TRPC4: variants seen among roughly 807,000 people sequenced by gnomAD.
The protein encoded by TRPC4 is short transient receptor potential channel 4.
A neutral mutation model predicts 99.4 loss-of-function variants in TRPC4; 49 were observed. The ratio of observed to expected loss-of-function variants is 0.49; its 90% CI spans 0.39 to 0.63. The LOEUF (loss-of-function observed/expected upper bound fraction) is 0.63, where lower values mean the gene tolerates loss of function less well. Among genes scored for constraint, TRPC4 ranks in the 20% least tolerant of loss-of-function variants. The pLI is 0.00. For missense variants in TRPC4, 898 were observed against 1,152.9 expected, an observed-to-expected ratio of 0.78 and a Z score of 3.20; for synonymous variants, 454 against 425.9, an observed-to-expected ratio of 1.07 and a Z score of -0.81.
chr13:37,786,752 T>C (rs1047668884), intron 1 of TRPC4, among the ~76,000 whole-genome samples: 1 of 152,126 alleles, frequency 6.6e-6, no homozygotes, highest in Non-Finnish European at 1.5e-5. Context: ...AAGAATGCTT[T>C]CATTTCAATG....
intron 2 of TRPC4, among the ~76,000 whole-genome samples, chr13:37,751,274 G>A (rs953534753): frequency 6.6e-6 from 1 of 152,076 alleles, no homozygotes; most frequent in African/African-American, 2.4e-5. Flanking sequence ...CTGCATCAGG[G>A]TCTAACGGCT....
intron 3 of TRPC4, among the ~76,000 whole-genome samples, chr13:37,743,753 C>T (rs145592987): frequency 3.3e-5 from 5 of 152,240 alleles, no homozygotes; most frequent in Non-Finnish European, 7.4e-5. Context: ...ATTCAAATTA[C>T]AATTTCTATC....
rs144108201 is a variant in TRPC4 at position 37,741,862 on chromosome 13, G to T, written c.897+4075C>A. Among the ~76,000 whole-genome samples the T allele has an allele frequency of 5.2e-3, 785 of 151,232 alleles. 5 individuals carry two copies. Among genetic ancestry groups the T allele is most frequent in the African/African-American group, 0.019 (767 of 41,112 alleles). ...GTTTTTGTAGTTAAGATCTGGATTT[G>T]CAATCTGGCCCCAATATTTAACAGA... On this transcript the variant is annotated intron_variant, in intron 3 of 10. Transcript: ENST00000379705.
At chr13:37,686,721 C>T (rs1953494649) in intron 4 of TRPC4, among the ~76,000 whole-genome samples, 1 of 152,020 alleles carries the variant, frequency 6.6e-6, no homozygotes, top group Admixed American at 6.6e-5. Context: ...TTACTTTATG[C>T]CTAGGAATTC....
chr13:37,836,555 G>T (rs530072873), intron 1 of TRPC4, among the ~76,000 whole-genome samples: 1 of 152,122 alleles, frequency 6.6e-6, no homozygotes, highest in Non-Finnish European at 1.5e-5. Context: ...AGAGACTGGT[G>T]GCATTTAGCC....
chr13:37,864,226 G>A (rs1229658507), intron 1 of TRPC4, among the ~76,000 whole-genome samples: 1 of 151,598 alleles, frequency 6.6e-6, no homozygotes, highest in Admixed American at 6.6e-5. Flanking sequence ...GCATTCCTGA[G>A]AAACACTTGT....
At chr13:37,867,757 A>G (rs530377904) in intron 1 of TRPC4, among the ~76,000 whole-genome samples, 2 of 152,232 alleles carry the variant, frequency 1.3e-5, no homozygotes, top group African/African-American at 2.4e-5. Flanking sequence ...AAAATAGCCA[A>G]TCTAACTTCC....
chr13:37,649,669 G>A (rs1951958849), intron 8 of TRPC4, among the ~76,000 whole-genome samples: 1 of 145,542 alleles, frequency 6.9e-6, no homozygotes, highest in Admixed American at 7.1e-5. Flanking sequence ...GGAAGGCGGA[G>A]CTTGCAGAGT....
At chr13:37,846,474 A>T (rs1118722) in intron 1 of TRPC4, among the ~76,000 whole-genome samples, 5 of 151,782 alleles carry the variant, frequency 3.3e-5, no homozygotes, top group Non-Finnish European at 7.4e-5. Context: ...TAGAGTCTTT[A>T]TATGGAATTA....
chr13:37,759,718 T>G (rs1343800989), intron 2 of TRPC4, among the ~76,000 whole-genome samples: 1 of 151,926 alleles, frequency 6.6e-6, no homozygotes, highest in Non-Finnish European at 1.5e-5. Context: ...TGAAAAGCTA[T>G]GGAGACAGGC....
chr13:37,719,514 A>T (rs1337854446), intron 3 of TRPC4, among the ~76,000 whole-genome samples: 1 of 152,218 alleles, frequency 6.6e-6, no homozygotes, highest in African/African-American at 2.4e-5. Flanking sequence ...AATGAAGAAC[A>T]TTAGAAAAGG....
chr13:37,745,485 C>CTTATATAT (rs1422157240), intron 3 of TRPC4, among the ~76,000 whole-genome samples: 40 of 119,674 alleles, frequency 3.3e-4, no homozygotes, highest in African/African-American at 1.4e-3. Flanking sequence ...CACACACACA[C>CTTATATAT]ACACTTATAT....
intron 3 of TRPC4, among the ~76,000 whole-genome samples, chr13:37,705,827 C>T (rs778209148): frequency 2.0e-5 from 3 of 152,156 alleles, no homozygotes; most frequent in South Asian, 2.1e-4. Context: ...TGCACGGTTA[C>T]ACTTCAGGCA....
rs115158613 is a variant in TRPC4 at position 37,674,243 on chromosome 13, A to C, written c.1359T>G (p.Ile453Met). The C allele has an allele frequency of 4.2e-5, 66 of 1,587,224 alleles. 1 individual carries two copies. In the East Asian group the frequency reaches 1.5e-3, roughly 36 times the overall value. ...TAATAGTTACCTTTACAAATGCAAC[A>C]ATTTTCAAGGAGATTGTTGCTAAAT... ...SLYLATISLK[I>M]VAFVKYSALN... The change falls in exon 5 of 11, where the codon ATT (isoleucine) becomes ATG (methionine). Residue 453 changes from isoleucine to methionine, a missense_variant. Ile to Met is a conservative substitution (Grantham distance 10, BLOSUM62 1). Coordinates refer to ENST00000379705, the MANE Select transcript of TRPC4 (RefSeq NM_016179.4).
At chr13:37,846,164 T>A (rs1021721617) in intron 1 of TRPC4, among the ~76,000 whole-genome samples, 1 of 152,174 alleles carries the variant, frequency 6.6e-6, no homozygotes, top group Non-Finnish European at 1.5e-5. Context: ...GCGTGATTTA[T>A]AGGAATTGCT....
intron 2 of TRPC4, among the ~76,000 whole-genome samples, chr13:37,770,554 A>G (rs1420109190): frequency 6.6e-6 from 1 of 151,620 alleles, no homozygotes; most frequent in Non-Finnish European, 1.5e-5. Context: ...TTAGCATAAA[A>G]GCACCAAATG....
At chr13:37,649,225 A>C (rs2138595105) in intron 8 of TRPC4, among the ~76,000 whole-genome samples, 1 of 152,274 alleles carries the variant, frequency 6.6e-6, no homozygotes, top group Non-Finnish European at 1.5e-5. Context: ...CCTCAAGGGA[A>C]GCATTAATTA....
intron 3 of TRPC4, among the ~76,000 whole-genome samples, chr13:37,737,064 A>T (rs1955419252): frequency 6.6e-6 from 1 of 151,946 alleles, no homozygotes; most frequent in Non-Finnish European, 1.5e-5. Flanking sequence ...ATAGTAATGT[A>T]ACCCACAAGA....
At chr13:37,802,581 C>G (rs1211966677) in intron 1 of TRPC4, among the ~76,000 whole-genome samples, 1 of 152,078 alleles carries the variant, frequency 6.6e-6, no homozygotes, top group Non-Finnish European at 1.5e-5. Flanking sequence ...ATGATACCAA[C>G]ATGACTTAAT....
Sources: gnomAD v4.1 joint callset for allele counts (sites outside exome capture counted in the v4.1 genomes callset) on GRCh38, gnomAD v4.1.1 for gene constraint, MANE v1.5 for transcripts, NCBI Gene and HGNC (gene_info 2026-07-23, HGNC 2026-07-21) for gene names.